The following ZNF185 variants were observed in gnomAD, a reference collection of about 807,000 sequenced individuals.
ZNF185 encodes the protein zinc finger protein 185.
In ZNF185, 56 loss-of-function variants were observed where a neutral mutation model predicts 58.6. That is an observed-to-expected ratio of 0.95 (90% CI 0.77 to 1.19). The LOEUF (loss-of-function observed/expected upper bound fraction) is 1.19. Among genes scored for constraint, ZNF185 ranks in the 50% most tolerant of loss-of-function variants. The probability of loss-of-function intolerance (pLI) is 0.00; values close to 1 mark genes in which losing one functional copy is unlikely to be tolerated. For synonymous variants in ZNF185, 230 were observed against 215.9 expected (o/e 1.07, Z -0.57); for missense variants, 627 against 573.5 (o/e 1.09, Z -0.95).
intron 14 of ZNF185, among the ~76,000 whole-genome samples, chrX:152,935,528 G>A (rs1446890342): frequency 1.8e-5 from 2 of 112,550 alleles, no homozygotes; most frequent in Non-Finnish European, 3.8e-5. Context: ...GAGCCATCGC[G>A]TCCTGCCTTG....
At chrX:152,907,029 G>A in the ZNF185 span, among the ~76,000 whole-genome samples, 1 of 111,335 alleles carries the variant, frequency 9.0e-6, no homozygotes, top group South Asian at 3.8e-4. Flanking sequence ...CTGCGAGCCA[G>A]CTTCTCTGGG....
At chrX:152,949,425 C>T (rs1469147622) in intron 16 of ZNF185, among the ~76,000 whole-genome samples, 1 of 112,468 alleles carries the variant, frequency 8.9e-6, no homozygotes, top group East Asian at 2.8e-4. Flanking sequence ...GACAAATCCC[C>T]TTTCCGGGCC....
At chrX:152,953,174 CAAAAG>C (rs782470484) in intron 16 of ZNF185, among the ~76,000 whole-genome samples, 1 of 111,257 alleles carries the variant, frequency 9.0e-6, no homozygotes, top group African/African-American at 3.3e-5. Flanking sequence ...AATCTCCACT[CAAAAG>C]GAACCAAGAA....
chrX:152,948,242 G>A (rs2047970010), intron 16 of ZNF185, among the ~76,000 whole-genome samples: 1 of 111,586 alleles, frequency 9.0e-6, no homozygotes, highest in East Asian at 2.8e-4. Flanking sequence ...GGGAAAGGCT[G>A]TAGTTGGATT....
chrX:152,918,251 C>T, intron 6 of ZNF185, 97 bp downstream of exon 7: 1 of 1,020,693 alleles, frequency 9.8e-7, no homozygotes, highest in Non-Finnish European at 1.4e-6. Context: ...TGCCACCGAG[C>T]ACAGCCCGGG....
At chrX:152,934,983 C>T (rs911751902) in intron 14 of ZNF185, among the ~76,000 whole-genome samples, 10 of 111,176 alleles carry the variant, frequency 9.0e-5, no homozygotes, top group African/African-American at 3.3e-4. Context: ...ACCACCACGC[C>T]TGGCTAACTT....
chrX:152,917,328 C>T lies in ZNF185; in HGVS notation c.307C>T (p.Gln103Ter). ...CATAGACAGCTCTTCCCAGCCCCAG[C>T]AGCAGTTCCCCAAGGCCAACGGGAC... Residue 103 changes from glutamine (Q) to a stop codon, truncating the protein, a stop_gained, in exon 5 of 23, where the codon CAG (glutamine) becomes TAG (stop). Coordinates refer to ENST00000449285, the Ensembl canonical transcript of ZNF185. LOFTEE classifies it high-confidence loss of function. The T allele has an allele frequency of 3.3e-6, 4 of 1,211,883 alleles. No homozygotes were observed. The highest frequency in any genetic ancestry group is 4.5e-6 in the Non-Finnish European group (4 of 895,533).
At chrX:152,962,659 G>A (rs782205504) in intron 17 of ZNF185, among the ~76,000 whole-genome samples, 3 of 112,218 alleles carry the variant, frequency 2.7e-5, no homozygotes, top group Non-Finnish European at 5.6e-5. Flanking sequence ...GGGTGAAGCA[G>A]GAACAGGTAC....
In ZNF185 at chrX:152,943,972, A is replaced by G. The variant is rs1312484790; in HGVS notation, c.1212-1295A>G. On this transcript the variant is annotated intron_variant, in intron 15 of 22. Transcript: ENST00000449285. ...ACCCTGGGACTGGTGTTACCTGTGC[A>G]GACCACTTTTGGATCTGCATGGGCT... Among the ~76,000 whole-genome samples the G allele has an allele frequency of 2.6e-5, 3 of 113,243 alleles. No homozygotes were observed. The East Asian group carries it at 8.4e-4, about 32-fold the overall frequency.
At chrX:152,963,013 C>T (rs935340583) in intron 17 of ZNF185, among the ~76,000 whole-genome samples, 3 of 113,204 alleles carry the variant, frequency 2.7e-5, no homozygotes, top group Non-Finnish European at 5.6e-5. Context: ...GGAGAAAAGC[C>T]AGAATCAGCC....
chrX:152,930,499 TC>T (rs1556876418), intron 12 of ZNF185, among the ~76,000 whole-genome samples: 2 of 111,468 alleles, frequency 1.8e-5, no homozygotes, highest in Admixed American at 9.5e-5. Flanking sequence ...TGGCCAGCCC[TC>T]CTGGGGACAG....
At chrX:152,954,295 G>A (rs1315339976) in intron 16 of ZNF185, among the ~76,000 whole-genome samples, 1 of 111,180 alleles carries the variant, frequency 9.0e-6, no homozygotes, top group African/African-American at 3.3e-5. Flanking sequence ...AGGAGAAGCT[G>A]CTAAGTGGGG....
intron 16 of ZNF185, among the ~76,000 whole-genome samples, chrX:152,952,831 CTTTTTTT>C (rs34933153): frequency 1.1e-5 from 1 of 93,636 alleles, no homozygotes; most frequent in Non-Finnish European, 2.1e-5. Context: ...TTCGTGATTA[CTTTTTTT>C]TTTTTTTTTT....
chrX:152,944,158 C>T (rs1269210886), intron 15 of ZNF185, among the ~76,000 whole-genome samples: 7 of 113,095 alleles, frequency 6.2e-5, no homozygotes, highest in African/African-American at 2.2e-4. Context: ...ATTTTAGTTC[C>T]CTTGACCTCC....
chrX:152,916,969 T>C (rs782339646), intron 3 of ZNF185, among the ~76,000 whole-genome samples, 162 bp from the exon 5 acceptor site: 1 of 112,551 alleles, frequency 8.9e-6, no homozygotes, highest in Non-Finnish European at 1.9e-5. Context: ...GGGCACCTGA[T>C]CAGGGGCACA....
intron 14 of ZNF185, 59 bp downstream of exon 15, chrX:152,933,030 C>G (rs782776573): frequency 3.3e-5 from 29 of 887,779 alleles, no homozygotes; most frequent in Non-Finnish European, 4.4e-5. Context: ...CAGGGTCAAG[C>G]TGCCAGGCTG....
exon 4 of ZNF185, chrX:152,917,158 C>T (rs1938652905): frequency 1.7e-6 from 2 of 1,211,569 alleles, no homozygotes; most frequent in African/African-American, 3.5e-5. Flanking sequence ...CTCCCACTGG[C>T]TACATCATCC....
At chrX:152,941,724 G>C (rs1412320895) in intron 15 of ZNF185, 118 of 1,163,338 alleles carry the variant, frequency 1.0e-4, no homozygotes, top group Non-Finnish European at 1.3e-4. Context: ...CGCCCGGGAC[G>C]AGCTCGGCCT....
At chrX:152,918,627 G>C (rs1939029619) in intron 6 of ZNF185, among the ~76,000 whole-genome samples, 1 of 112,473 alleles carries the variant, frequency 8.9e-6, no homozygotes, top group African/African-American at 3.2e-5. Flanking sequence ...TTCCCTTAGT[G>C]CTCCCCTTGG....
Sources: allele counts gnomAD v4.1 joint callset (sites outside exome capture counted in the v4.1 genomes callset), GRCh38; gene constraint gnomAD v4.1.1; transcripts MANE v1.5; gene names NCBI Gene and HGNC (gene_info 2026-07-23, HGNC 2026-07-21).